The following ZDHHC11B variants were observed in gnomAD, a reference collection of about 807,000 sequenced individuals.
ZDHHC11B encodes zDHHC palmitoyltransferase 11B (putative).
In ZDHHC11B, 17 loss-of-function variants were observed where a neutral mutation model predicts 42.3. That is an observed-to-expected ratio of 0.40 (90% CI 0.27 to 0.60). The LOEUF (loss-of-function observed/expected upper bound fraction) is 0.60, where lower values mean the gene tolerates loss of function less well. Ranked by LOEUF, ZDHHC11B falls within the 20% of genes least tolerant of loss-of-function variation. The pLI is 0.41. For synonymous variants in ZDHHC11B, 123 were observed against 193.5 expected, an observed-to-expected ratio of 0.64 and a Z score of 3.02; for missense variants, 262 against 463.2, an observed-to-expected ratio of 0.57 and a Z score of 3.99.
chr5:775,630 GA>G (rs1736410628), intron 1 of ZDHHC11B, among the ~76,000 whole-genome samples: 2 of 151,324 alleles, frequency 1.3e-5, no homozygotes, highest in African/African-American at 2.4e-5. Context: ...CCTGTTCAGG[GA>G]TGACAATGGG....
Position 716,880 on chromosome 5 carries a change from C to T in ZDHHC11B, c.1059-15G>A. On this transcript the variant is annotated splice_polypyrimidine_tract_variant and intron_variant, in intron 12 of 13. Transcript: ENST00000508859. Reference sequence around the variant, plus strand: ...CTTGTTGCAGCCTGTTTGCAATATTCAGAAAGAGAGACAACAGAGAACGTA... The same window carrying T: ...CTTGTTGCAGCCTGTTTGCAATATTTAGAAAGAGAGACAACAGAGAACGTA... 6.2e-7 allele frequency: 1 copy of T among 1,612,788 alleles called. No homozygotes were observed. Among genetic ancestry groups the T allele is most frequent in the Non-Finnish European group, 8.5e-7 (1 of 1,179,356 alleles).
intron 4 of ZDHHC11B, among the ~76,000 whole-genome samples, chr5:765,244 C>T (rs1218099501): frequency 6.7e-6 from 1 of 148,910 alleles, no homozygotes; most frequent in Non-Finnish European, 1.5e-5. Flanking sequence ...CCAATCAGCA[C>T]CCTATGTCTA....
At chr5:720,422 G>T (rs371238) in intron 12 of ZDHHC11B, among the ~76,000 whole-genome samples, 74,950 of 149,938 alleles carry the variant, frequency 0.5, 15,123 homozygotes, top group African/African-American at 0.56. Context: ...GTTCTATATG[G>T]GACAAATCTA....
intron 11 of ZDHHC11B, chr5:732,799 G>A (rs1157638878): frequency 2.2e-5 from 6 of 272,448 alleles, no homozygotes; most frequent in Admixed American, 1.3e-4. Flanking sequence ...AGAGGCTCAC[G>A]CCTCTAATTC....
In ZDHHC11B at chr5:761,305, T is replaced by C. The variant is rs555890147; in HGVS notation, c.223-5161A>G. ...ACTGTGGGCTTTAGTGACATCCTCA[T>C]CCCTCACTGCAGGACACCCGGGGCC... On this transcript the variant is annotated intron_variant, in intron 4 of 13. Coordinates refer to ENST00000508859, the MANE Select transcript of ZDHHC11B (RefSeq NM_001351303.2). Among the ~76,000 whole-genome samples, 11 of 151,914 alleles carry C rather than the reference T, an allele frequency of 7.2e-5. No individual in the cohort carries two copies. The South Asian group carries it at 2.3e-3, about 32-fold the overall frequency.
intron 7 of ZDHHC11B, among the ~76,000 whole-genome samples, chr5:750,780 C>T (rs1274776397): frequency 7.7e-6 from 1 of 129,720 alleles, no homozygotes; most frequent in Non-Finnish European, 1.7e-5. Context: ...ATGGGCACCC[C>T]CACCCTCCCA....
intron 12 of ZDHHC11B, among the ~76,000 whole-genome samples, chr5:729,813 C>A (rs1287730544): frequency 6.6e-6 from 1 of 151,874 alleles, no homozygotes; most frequent in East Asian, 1.9e-4. Context: ...TACTCAGCAT[C>A]ATGTGTGAGT....
chr5:777,388 G>A (rs999613429), intron 1 of ZDHHC11B, among the ~76,000 whole-genome samples: 1 of 151,820 alleles, frequency 6.6e-6, no homozygotes, highest in Non-Finnish European at 1.5e-5. Flanking sequence ...TGGGCTCGTG[G>A]TCTGGCTGGC....
chr5:724,578 G>A lies in ZDHHC11B; in HGVS notation c.1058+5856C>T, dbSNP rs561363073. Among the ~76,000 whole-genome samples the A allele has an allele frequency of 1.0e-3, 144 of 138,684 alleles. 1 individual carries two copies. Among genetic ancestry groups the A allele is most frequent in the Non-Finnish European group, 1.7e-3 (107 of 64,584 alleles). 91.0% of individuals were successfully genotyped at this position (138,684 alleles called of 152,430 possible). A position where few individuals can be genotyped will look rare whatever the true frequency, so the allele number is the denominator to read the frequency against. ...TTTTTAGTAGAGACAGGGTTTCACC[G>A]TGTTAGCCAGGACAGTCTTGATCTC... On this transcript the variant is annotated intron_variant, in intron 12 of 13. Coordinates refer to ENST00000508859, the MANE Select transcript of ZDHHC11B (RefSeq NM_001351303.2).
chr5:729,628 T>C (rs1384743611), intron 12 of ZDHHC11B, among the ~76,000 whole-genome samples: 1 of 151,140 alleles, frequency 6.6e-6, no homozygotes, highest in Admixed American at 6.6e-5. Context: ...CACTTCATTT[T>C]CTTTTAGGTT....
At chr5:761,250 G>A (rs1289650590) in intron 4 of ZDHHC11B, among the ~76,000 whole-genome samples, 2 of 151,870 alleles carry the variant, frequency 1.3e-5, no homozygotes, top group East Asian at 1.9e-4. Context: ...GCTAGAGCAG[G>A]GAGGTGGGCC....
chr5:749,524 G>C lies in ZDHHC11B; in HGVS notation c.629-965C>G, dbSNP rs936741732. ...GTGCCTGGGCCGGGCTGGACCCCAT[G>C]CTGCCCCCCTTAGCCAGTGACATCA... On this transcript the variant is annotated intron_variant, in intron 7 of 13. Coordinates refer to ENST00000508859, the MANE Select transcript of ZDHHC11B (RefSeq NM_001351303.2). Among the ~76,000 whole-genome samples the C allele has an allele frequency of 2.3e-5, 3 of 129,974 alleles. 1 individual carries two copies. Among genetic ancestry groups the C allele is most frequent in the Non-Finnish European group, 5.1e-5 (3 of 58,418 alleles). The allele number at this position is 129,974 out of a possible 152,430, so 85.3% of individuals were successfully genotyped here.
At chr5:712,875 C>A (rs1229223535) in intron 13 of ZDHHC11B, among the ~76,000 whole-genome samples, 1 of 151,196 alleles carries the variant, frequency 6.6e-6, no homozygotes, top group Non-Finnish European at 1.5e-5. Flanking sequence ...GGCCACTGCA[C>A]TCCAGCCTGG....
intron 4 of ZDHHC11B, among the ~76,000 whole-genome samples, chr5:758,327 G>A (rs7727444): frequency 0.023 from 3,522 of 150,992 alleles, 129 homozygotes; most frequent in African/African-American, 0.082. Flanking sequence ...GCCTCTGCAC[G>A]AGCAGCAGGT....
intron 10 of ZDHHC11B, among the ~76,000 whole-genome samples, chr5:736,916 C>A (rs1173459165): frequency 5.4e-5 from 7 of 130,464 alleles, no homozygotes; most frequent in African/African-American, 2.0e-4. Context: ...ACCAGAGAAA[C>A]AAGAACGAAT....
chr5:770,528 C>A (rs1735927181), intron 1 of ZDHHC11B, among the ~76,000 whole-genome samples: 1 of 151,376 alleles, frequency 6.6e-6, no homozygotes, highest in South Asian at 2.1e-4. Flanking sequence ...CCTGTGGACG[C>A]CCGCTCTGCA....
At chr5:740,047 G>A (rs1743995377) in intron 10 of ZDHHC11B, among the ~76,000 whole-genome samples, 1 of 150,966 alleles carries the variant, frequency 6.6e-6, no homozygotes, top group African/African-American at 2.4e-5. Context: ...AAACATCGTA[G>A]TATCTCACTT....
intron 4 of ZDHHC11B, among the ~76,000 whole-genome samples, chr5:766,272 C>T (rs1735345725): frequency 6.7e-6 from 1 of 149,472 alleles, no homozygotes; most frequent in Non-Finnish European, 1.5e-5. Flanking sequence ...CGGGCTTCCC[C>T]CTCTTTGGGA....
chr5:749,379 C>G (rs433952), intron 7 of ZDHHC11B, among the ~76,000 whole-genome samples: 1 of 129,448 alleles, frequency 7.7e-6, no homozygotes, highest in South Asian at 3.3e-4. Context: ...GGCAGAGGGT[C>G]GGGCAAGGCA....
Sources: allele counts gnomAD v4.1 joint callset (sites outside exome capture counted in the v4.1 genomes callset), GRCh38; gene constraint gnomAD v4.1.1; transcripts MANE v1.5; gene names NCBI Gene and HGNC (gene_info 2026-07-23, HGNC 2026-07-21).